Variants in ITGA1 observed in about 807,000 individuals in gnomAD.
ITGA1 encodes the protein integrin subunit alpha 1, also known as integrin alpha-1.
A neutral mutation model predicts 145.9 loss-of-function variants in ITGA1; 85 were observed. The ratio of observed to expected loss-of-function variants is 0.58; its 90% CI spans 0.49 to 0.70. The LOEUF (loss-of-function observed/expected upper bound fraction) is 0.70. Ranked by LOEUF, ITGA1 falls within the 30% of genes least tolerant of loss-of-function variation. The probability of loss-of-function intolerance (pLI) is 0.00; values close to 1 mark genes in which losing one functional copy is unlikely to be tolerated. For synonymous variants in ITGA1, 520 were observed against 495.3 expected (o/e 1.05, Z -0.66); for missense variants, 1,351 against 1,418.7 (o/e 0.95, Z 0.77).
At chr5:52,818,772 A>G (rs1748818782) in intron 1 of ITGA1, among the ~76,000 whole-genome samples, 1 of 152,232 alleles carries the variant, frequency 6.6e-6, no homozygotes, top group African/African-American at 2.4e-5. Context: ...TTAGAAAGGT[A>G]TCTAATTCCT....
intron 6 of ITGA1, among the ~76,000 whole-genome samples, chr5:52,869,352 G>A (rs1039037659): frequency 2.0e-4 from 30 of 152,144 alleles, no homozygotes; most frequent in African/African-American, 7.0e-4. Flanking sequence ...GTAGAGATAG[G>A]GTTTCGCCAT....
intron 23 of ITGA1, among the ~76,000 whole-genome samples, chr5:52,935,104 G>A (rs943160140): frequency 6.6e-6 from 1 of 151,930 alleles, no homozygotes; most frequent in African/African-American, 2.4e-5. Flanking sequence ...ATTTGAAATA[G>A]GTACTCTCTC....
chr5:52,866,410 A>G (rs1171139175), intron 6 of ITGA1, among the ~76,000 whole-genome samples: 1 of 152,230 alleles, frequency 6.6e-6, no homozygotes, highest in East Asian at 1.9e-4. Context: ...ATAAACTCAT[A>G]GTTTAATTTT....
chr5:52,931,047 C>G (rs959387982), intron 21 of ITGA1: 2 of 152,154 alleles, frequency 1.3e-5, no homozygotes, highest in South Asian at 2.1e-4. Context: ...GCTGCTTTCT[C>G]TGTCCTGCTG....
chr5:52,944,995 A>T lies in ITGA1; in HGVS notation c.3338A>T (p.Asn1113Ile). Residue 1113 changes from asparagine (N) to isoleucine (I), a missense_variant, in exon 27 of 29, where the codon AAT becomes ATT. Transcript: ENST00000282588. ...LTIRGELRSENASLVLSSSNQ... is the reference protein window; with the variant it reads ...LTIRGELRSEIASLVLSSSNQ... ...ATAAGGGGAGAACTTCGGAGTGAAA[A>T]TGCATCTCTGGTTTTAAGTAGCAGC... 6.2e-7 allele frequency: 1 copy of T among 1,613,514 alleles called. No homozygotes were observed. The highest frequency in any genetic ancestry group is 8.5e-7 in the Non-Finnish European group (1 of 1,179,778).
rs1352850927 is a variant in ITGA1 at position 52,865,735 on chromosome 5, A to G, written c.542A>G (p.Asn181Ser). 5 of 1,600,542 alleles carry G rather than the reference A, an allele frequency of 3.1e-6. No homozygotes were observed. Among genetic ancestry groups the G allele is most frequent in the Non-Finnish European group, 4.3e-6 (5 of 1,174,852 alleles). ...LDIVIVLDGS[N>S]SIYPWDSVTA... ...ATAGTCATAGTGCTGGATGGTTCCAACAGTATTTACCCATGGGACAGTGTT... is the reference window on the plus strand; with the variant it reads ...ATAGTCATAGTGCTGGATGGTTCCAGCAGTATTTACCCATGGGACAGTGTT... Residue 181 changes from asparagine (N) to serine (S), a missense_variant, in exon 6 of 29, where the codon AAC becomes AGC. By Grantham distance (46) the Asn-to-Ser change is conservative. Transcript: ENST00000282588.
intron 16 of ITGA1, among the ~76,000 whole-genome samples, chr5:52,919,861 CTGAGA>C (rs1296017309): frequency 1.3e-5 from 2 of 151,908 alleles, no homozygotes; most frequent in Non-Finnish European, 2.9e-5. Context: ...TGACCATAAG[CTGAGA>C]TAATGTCATT....
chr5:52,854,648 A>C (rs1749479661), intron 2 of ITGA1, among the ~76,000 whole-genome samples: 1 of 152,218 alleles, frequency 6.6e-6, no homozygotes, highest in Non-Finnish European at 1.5e-5. Flanking sequence ...TAATGAAATA[A>C]TGTAAATATA....
intron 8 of ITGA1, among the ~76,000 whole-genome samples, chr5:52,889,204 C>A (rs1750104692): frequency 6.6e-6 from 1 of 151,982 alleles, no homozygotes; most frequent in Admixed American, 6.5e-5. Flanking sequence ...CAGGATCAAG[C>A]AATTCTCCTG....
At position 52,887,981 on chromosome 5, in the gene ITGA1, G is replaced by A; in HGVS notation, c.924+16G>A. On this transcript the variant is annotated intron_variant, in intron 8 of 28. Coordinates refer to ENST00000282588, the MANE Select transcript of ITGA1 (RefSeq NM_181501.2). ...TTCCATAGCTGTAAGTGTGTTGCCG[G>A]AGATATTTTCAAACTCTTAGGTGTA... The A allele has an allele frequency of 6.2e-7, 1 of 1,606,580 alleles. No homozygotes were observed. Among genetic ancestry groups the A allele is most frequent in the Non-Finnish European group, 8.5e-7 (1 of 1,174,652 alleles).
intron 1 of ITGA1, among the ~76,000 whole-genome samples, chr5:52,818,683 A>T (rs1462388709): frequency 6.6e-6 from 1 of 152,186 alleles, no homozygotes; most frequent in African/African-American, 2.4e-5. Context: ...AGAGAATGCT[A>T]ATTTCTTTTT....
chr5:52,850,476 C>A (rs1749412886), intron 2 of ITGA1, among the ~76,000 whole-genome samples: 1 of 151,914 alleles, frequency 6.6e-6, no homozygotes. Flanking sequence ...ACTAAACAAG[C>A]CTACATTTTT....
intron 26 of ITGA1, among the ~76,000 whole-genome samples, chr5:52,943,677 C>T (rs1424903629): frequency 7.9e-5 from 12 of 152,144 alleles, no homozygotes; most frequent in Admixed American, 6.5e-5. Flanking sequence ...ACACCTTTTC[C>T]GAACCAGCCC....
At chr5:52,888,239 C>G (rs4865750) in intron 8 of ITGA1, among the ~76,000 whole-genome samples, 27,018 of 146,284 alleles carry the variant, frequency 0.18, 2,452 homozygotes, top group Admixed American at 0.25. Context: ...AAGAAGGAAG[C>G]AAAAACATAA....
At chr5:52,839,202 T>C (rs1310684642) in intron 1 of ITGA1, among the ~76,000 whole-genome samples, 1 of 152,212 alleles carries the variant, frequency 6.6e-6, no homozygotes, top group East Asian at 1.9e-4. Context: ...TGTTATATGT[T>C]ATATGTTATA....
At chr5:52,814,737 A>G (rs1018700735) in intron 1 of ITGA1, among the ~76,000 whole-genome samples, 2 of 152,132 alleles carry the variant, frequency 1.3e-5, no homozygotes, top group African/African-American at 4.8e-5. Flanking sequence ...ATTAAAAAAA[A>G]AGGGGGGGAA....
At chr5:52,851,058 T>G (rs977170526) in intron 2 of ITGA1, among the ~76,000 whole-genome samples, 4 of 152,222 alleles carry the variant, frequency 2.6e-5, no homozygotes, top group Non-Finnish European at 5.9e-5. Flanking sequence ...TTACTAATAG[T>G]TACACAAATT....
At position 52,955,346 on chromosome 5, in the gene ITGA1, C is replaced by T. The variant is rs905274861; in HGVS notation, c.*2895C>T. On this transcript the variant is annotated 3_prime_UTR_variant, in exon 29 of 29. Transcript: ENST00000282588. ...CCACTGAGACAGATTACACGATAGA[C>T]AGATAGATAGATAGATAGATAGATA... 5 of 148,112 alleles carry T rather than the reference C, an allele frequency of 3.4e-5. No individual in the cohort carries two copies. The highest frequency in any genetic ancestry group is 1.2e-4 in the African/African-American group (5 of 40,036). 9.2% of individuals were successfully genotyped at this position (148,112 alleles called of 1,614,324 possible).
intron 1 of ITGA1, among the ~76,000 whole-genome samples, chr5:52,823,397 G>C (rs1447556867): frequency 1.3e-5 from 2 of 152,072 alleles, no homozygotes; most frequent in African/African-American, 4.8e-5. Flanking sequence ...GTAGAGATGG[G>C]GTTTTGCTCT....
Sources: gnomAD v4.1 joint callset for allele counts (sites outside exome capture counted in the v4.1 genomes callset) on GRCh38, gnomAD v4.1.1 for gene constraint, MANE v1.5 for transcripts, NCBI Gene and HGNC (gene_info 2026-07-23, HGNC 2026-07-21) for gene names.